The following RERG variants were observed in gnomAD, a reference collection of about 807,000 sequenced individuals.
RERG encodes RAS like estrogen regulated growth inhibitor.
Under a neutral mutation model 23.2 loss-of-function variants are expected in RERG, and 25 were observed. The observed-to-expected ratio is 1.08, with a 90% confidence interval of 0.79 to 1.50. The LOEUF (loss-of-function observed/expected upper bound fraction) is 1.50, where lower values mean the gene tolerates loss of function less well. Ranked by LOEUF, RERG falls within the 40% of genes most tolerant of loss-of-function variation. The probability of loss-of-function intolerance (pLI) is 0.00; values close to 1 mark genes in which losing one functional copy is unlikely to be tolerated. For missense variants in RERG, 253 were observed against 250.1 expected, an observed-to-expected ratio of 1.01 and a Z score of -0.08; for synonymous variants, 81 against 89.1, an observed-to-expected ratio of 0.91 and a Z score of 0.51.
intron 2 of RERG, among the ~76,000 whole-genome samples, chr12:15,186,878 T>C (rs367932015): frequency 1.3e-5 from 2 of 152,170 alleles, no homozygotes; most frequent in Non-Finnish European, 2.9e-5. Context: ...TCCCAGTCAA[T>C]GAATAATACT....
intron 2 of RERG, among the ~76,000 whole-genome samples, chr12:15,211,080 C>T (rs573038346): frequency 1.3e-5 from 2 of 152,206 alleles, no homozygotes; most frequent in East Asian, 3.9e-4. Context: ...AGGGGCCATG[C>T]AAGCTCTGCA....
chr12:15,156,554 A>G (rs1268531342), intron 2 of RERG, among the ~76,000 whole-genome samples: 1 of 152,240 alleles, frequency 6.6e-6, no homozygotes, highest in Non-Finnish European at 1.5e-5. Flanking sequence ...TTTCACAAGA[A>G]GTAACATTGT....
chr12:15,174,750 T>G (rs1386220454), intron 2 of RERG, among the ~76,000 whole-genome samples: 1 of 152,112 alleles, frequency 6.6e-6, no homozygotes, highest in Non-Finnish European at 1.5e-5. Context: ...CTTGGGCCTC[T>G]CTGGTGCATT....
intron 2 of RERG, among the ~76,000 whole-genome samples, chr12:15,133,693 C>CAATG (rs1864093665): frequency 6.6e-6 from 1 of 150,846 alleles, no homozygotes; most frequent in African/African-American, 2.4e-5. Flanking sequence ...GTAGCTACAC[C>CAATG]ACTTTTGATC....
At chr12:15,115,643 CAATA>C (rs1343729132) in intron 3 of RERG, among the ~76,000 whole-genome samples, 9 of 152,148 alleles carry the variant, frequency 5.9e-5, no homozygotes, top group African/African-American at 1.9e-4. Flanking sequence ...CCAACCAACA[CAATA>C]AACTCAGAAG....
At chr12:15,109,834 C>T (rs1275550832) in intron 4 of RERG, among the ~76,000 whole-genome samples, 2 of 152,132 alleles carry the variant, frequency 1.3e-5, no homozygotes, top group Non-Finnish European at 2.9e-5. Flanking sequence ...TTGAGCACAT[C>T]ACTTTTGAGA....
rs772025458 is a variant in RERG, at chr12:15,217,431, GA to G, written c.58del (p.Ser20GlnfsTer4). ...AACAACCACAACGAAAATCTTACCT[GA>G]CTTGCCCACGCCTGCTCTCCCAAAT... ...AIFGRAGVGK[S>X]ALVVRFLTKR... On this transcript the variant is annotated frameshift_variant, in exon 2 of 5. Coordinates refer to ENST00000256953, the MANE Select transcript of RERG (RefSeq NM_032918.3). LOFTEE classifies it high-confidence loss of function. The G allele has an allele frequency of 6.2e-7, 1 of 1,610,526 alleles. No individual in the cohort carries two copies. Among genetic ancestry groups the G allele is most frequent in the South Asian group, 1.1e-5 (1 of 90,970 alleles).
chr12:15,153,470 A>G (rs1455022470), intron 2 of RERG, among the ~76,000 whole-genome samples: 1 of 152,182 alleles, frequency 6.6e-6, no homozygotes, highest in Non-Finnish European at 1.5e-5. Flanking sequence ...AAATTTGCTT[A>G]AAGTGGGAGA....
intron 3 of RERG, among the ~76,000 whole-genome samples, chr12:15,117,590 G>C (rs1026438271): frequency 6.6e-5 from 10 of 152,044 alleles, no homozygotes; most frequent in Non-Finnish European, 1.2e-4. Context: ...TTCAAACACA[G>C]TGCCTCCAAG....
intron 2 of RERG, among the ~76,000 whole-genome samples, chr12:15,170,434 G>C (rs892960944): frequency 1.3e-5 from 2 of 152,044 alleles, no homozygotes; most frequent in Non-Finnish European, 2.9e-5. Flanking sequence ...CCTAAAAATA[G>C]AGTGCTTTTT....
intron 2 of RERG, among the ~76,000 whole-genome samples, chr12:15,202,856 A>G (rs974876898): frequency 6.6e-6 from 1 of 151,670 alleles, no homozygotes; most frequent in African/African-American, 2.4e-5. Context: ...CTAATTTTAA[A>G]TTTCTGAAGA....
intron 3 of RERG, among the ~76,000 whole-genome samples, chr12:15,118,955 TC>T (rs1863781615): frequency 6.6e-6 from 1 of 152,174 alleles, no homozygotes; most frequent in Non-Finnish European, 1.5e-5. Flanking sequence ...AATCCTGTCT[TC>T]CCCAAGGTAT....
chr12:15,196,644 C>G (rs1446405241), intron 2 of RERG, among the ~76,000 whole-genome samples: 1 of 152,106 alleles, frequency 6.6e-6, no homozygotes, highest in Non-Finnish European at 1.5e-5. Context: ...ATTTAGTTTA[C>G]ACTAAAAATG....
intron 3 of RERG, among the ~76,000 whole-genome samples, chr12:15,118,584 G>A (rs1465938921): frequency 6.6e-6 from 1 of 152,158 alleles, no homozygotes; most frequent in African/African-American, 2.4e-5. Context: ...TGTTAGAGGT[G>A]AGGCCTGGTG....
At chr12:15,161,466 A>G (rs1357994222) in intron 2 of RERG, among the ~76,000 whole-genome samples, 1 of 152,184 alleles carries the variant, frequency 6.6e-6, no homozygotes, top group Non-Finnish European at 1.5e-5. Flanking sequence ...AACACTCTGG[A>G]CCTTCCTTCC....
chr12:15,213,997 T>C (rs1365886941), intron 2 of RERG, among the ~76,000 whole-genome samples: 1 of 4,298 alleles, frequency 2.3e-4, no homozygotes, highest in African/African-American at 6.6e-4. Flanking sequence ...AGAGAAAGTA[T>C]GTGTGTGTGT....
intron 2 of RERG, among the ~76,000 whole-genome samples, chr12:15,198,988 T>C (rs1424359168): frequency 6.6e-6 from 1 of 152,128 alleles, no homozygotes; most frequent in African/African-American, 2.4e-5. Flanking sequence ...AGAAACATAT[T>C]TATAGGTGCT....
At chr12:15,179,022 C>T (rs1258214713) in intron 2 of RERG, among the ~76,000 whole-genome samples, 1 of 151,858 alleles carries the variant, frequency 6.6e-6, no homozygotes, top group Non-Finnish European at 1.5e-5. Flanking sequence ...TTCCCCATGC[C>T]CCAGTTAAAG....
In RERG at chr12:15,110,463, C is replaced by CTT. The variant is rs869218147; in HGVS notation, c.192+879_192+880dup. Among the ~76,000 whole-genome samples the CTT allele has an allele frequency of 5.0e-3, 363 of 73,124 alleles. 55 individuals are homozygous for CTT. The highest frequency in any genetic ancestry group is 0.012 in the African/African-American group (198 of 16,780). 48.0% of individuals were successfully genotyped at this position (73,124 alleles called of 152,430 possible). A position where few individuals can be genotyped will look rare whatever the true frequency, so the allele number is the denominator to read the frequency against. On this transcript the variant is annotated intron_variant, in intron 4 of 4. Transcript: ENST00000256953. ...CTGTCATTCCAGTGGCCATTTTTTT[C>CTT]TTTTTTTTTTTTTTTTTTTTTTTTT... is the stretch of plus-strand genomic sequence containing the variant.
Sources: allele counts gnomAD v4.1 joint callset (sites outside exome capture counted in the v4.1 genomes callset), GRCh38; gene constraint gnomAD v4.1.1; transcripts MANE v1.5; gene names NCBI Gene and HGNC (gene_info 2026-07-23, HGNC 2026-07-21).